RO60: variants seen among roughly 807,000 people sequenced by gnomAD.
RO60 encodes Ro60, Y RNA binding protein.
A neutral mutation model predicts 55.3 loss-of-function variants in RO60; 20 were observed. The observed-to-expected ratio is 0.36, with a 90% CI of 0.25 to 0.53. RO60 has a LOEUF of 0.53. RO60 is among the 20% of genes least tolerant of loss of function. The pLI is 0.92. For missense variants in RO60, 558 were observed against 646.6 expected (o/e 0.86, Z 1.49); for synonymous variants, 213 against 213.6 (o/e 1.00, Z 0.02).
At chr1:193,066,547 C>T (rs1558235132) in intron 1 of RO60, among the ~76,000 whole-genome samples, 1 of 152,192 alleles carries the variant, frequency 6.6e-6, no homozygotes, top group Admixed American at 6.5e-5. Flanking sequence ...CAACCATTCA[C>T]TCCTTGAAGT....
rs145943712 is a variant in RO60, at chr1:193,088,162, C to CTTTTTTTTTTTTT, written c.*3450_*3462dup. 2.3e-5 allele frequency: 1 copy of CTTTTTTTTTTTTT among 44,394 alleles called. No individual in the cohort carries two copies. The highest frequency in any genetic ancestry group is 1.1e-4 in the African/African-American group (1 of 8,736). The allele number at this position is 44,394 out of a possible 1,614,324, so 2.8% of individuals were successfully genotyped here. On this transcript the variant is annotated 3_prime_UTR_variant, in exon 9 of 9. Transcript: ENST00000400968. Reference sequence around the variant, plus strand: ...GGTGTGCACTGCACTACCACGCCTGCTTTTTTTTTTTTTTTTTTTTTTTTT... The same window carrying CTTTTTTTTTTTTT: ...GGTGTGCACTGCACTACCACGCCTGCTTTTTTTTTTTTTTTTTTTTTTTTTTTTTTTTTTTTTT...
At chr1:193,080,709 T>C (rs1674247446) in intron 5 of RO60, among the ~76,000 whole-genome samples, 1 of 152,172 alleles carries the variant, frequency 6.6e-6, no homozygotes. Context: ...TGATACATGC[T>C]ACACCATGGA....
Position 193,085,725 on chromosome 1 carries a change from G to C in RO60, c.*994G>C. ...AGTTAATATTTTTAAAAGTATACAT[G>C]TCAATGGCCTCTTTGTCCATTATTC... On this transcript the variant is annotated 3_prime_UTR_variant, in exon 9 of 9. Coordinates refer to ENST00000400968, the MANE Select transcript of RO60 (RefSeq NM_001173524.2). 1.0e-6 allele frequency: 1 copy of C among 983,342 alleles called. No homozygotes were observed. The highest frequency in any genetic ancestry group is 1.2e-6 in the Non-Finnish European group (1 of 828,420). 60.9% of individuals were successfully genotyped at this position (983,342 alleles called of 1,614,324 possible).
At chr1:193,073,396 T>C (rs536622634) in intron 2 of RO60, among the ~76,000 whole-genome samples, 2 of 152,292 alleles carry the variant, frequency 1.3e-5, no homozygotes, top group African/African-American at 4.8e-5. Context: ...TGGGTAAAAA[T>C]GAATTCTTTG....
chr1:193,084,458 A>G, intron 8 of RO60, 121 bp from the exon 9 acceptor site: 1 of 1,236,860 alleles, frequency 8.1e-7, no homozygotes, highest in Non-Finnish European at 1.1e-6. Context: ...GACCCCCGCA[A>G]AAAAATGACT....
intron 5 of RO60, among the ~76,000 whole-genome samples, chr1:193,079,961 TAAA>T (rs754439147): frequency 0.016 from 1,825 of 115,564 alleles, 16 homozygotes; most frequent in South Asian, 0.04. Flanking sequence ...ACCCCGTCTC[TAAA>T]AAAAAAAAAA....
intron 1 of RO60, among the ~76,000 whole-genome samples, chr1:193,061,740 T>G (rs1013338506): frequency 3.9e-5 from 6 of 152,186 alleles, no homozygotes; most frequent in African/African-American, 1.4e-4. Context: ...ATCCCAGCAC[T>G]TTGGGAGGCC....
chr1:193,072,116 G>A (rs1673560221), intron 2 of RO60, among the ~76,000 whole-genome samples: 1 of 152,066 alleles, frequency 6.6e-6, no homozygotes, highest in Non-Finnish European at 1.5e-5. Context: ...CAATTCTCCT[G>A]CCTCAGCCTC....
At chr1:193,074,470 C>G (rs1341407038) in intron 2 of RO60, among the ~76,000 whole-genome samples, 4 of 152,218 alleles carry the variant, frequency 2.6e-5, no homozygotes, top group Admixed American at 6.5e-5. Flanking sequence ...TTTTGAATTG[C>G]ATTTCTCTGA....
chr1:193,082,137 T>C (rs1325356030), intron 6 of RO60, 49 bp from the exon 7 acceptor site: 2 of 1,085,514 alleles, frequency 1.8e-6, no homozygotes, highest in African/African-American at 3.1e-5. Flanking sequence ...TTCAAAATAT[T>C]GTATTTCCCC....
At chr1:193,063,575 A>AT (rs1194181197) in intron 1 of RO60, among the ~76,000 whole-genome samples, 2 of 152,038 alleles carry the variant, frequency 1.3e-5, no homozygotes, top group Non-Finnish European at 2.9e-5. Context: ...AGTCCAGTTT[A>AT]TTTTTTTATT....
At chr1:193,070,714 A>T (rs1287234585) in intron 2 of RO60, 15 of 279,752 alleles carry the variant, frequency 5.4e-5, no homozygotes. Flanking sequence ...AGCACCTAAC[A>T]TGTAGTAGAA....
At chr1:193,081,771 CAA>C (rs1464781830) in intron 6 of RO60, among the ~76,000 whole-genome samples, 1 of 151,740 alleles carries the variant, frequency 6.6e-6, no homozygotes, top group Non-Finnish European at 1.5e-5. Context: ...GAAAAAAAGA[CAA>C]ATTTTTTAAA....
chr1:193,091,124 T>C lies in RO60; in HGVS notation c.*6393T>C, dbSNP rs1674840305. On this transcript the variant is annotated 3_prime_UTR_variant, in exon 9 of 9. Coordinates refer to ENST00000400968, the MANE Select transcript of RO60 (RefSeq NM_001173524.2). ...ACCAAGTTGCATATTTAACATCGAATGAAAATGTAGTTGTACAGTTCCAAA... is the reference window on the plus strand; with the variant it reads ...ACCAAGTTGCATATTTAACATCGAACGAAAATGTAGTTGTACAGTTCCAAA... The C allele has an allele frequency of 6.6e-6, 1 of 152,356 alleles. No individual in the cohort carries two copies. Among genetic ancestry groups the C allele is most frequent in the Non-Finnish European group, 1.5e-5 (1 of 68,104 alleles). 9.4% of individuals were successfully genotyped at this position (152,356 alleles called of 1,614,324 possible).
chr1:193,060,074 A>G, intron 1 of RO60: 1 of 1,302,636 alleles, frequency 7.7e-7, no homozygotes. Flanking sequence ...CGACGTCGAG[A>G]GGGCCTGCTT....
Position 193,076,565 on chromosome 1 carries a change from C to T in RO60, c.866C>T (p.Thr289Ile). 2 of 1,612,404 alleles carry T rather than the reference C, an allele frequency of 1.2e-6. No homozygotes were observed. Among genetic ancestry groups the T allele is most frequent in the Non-Finnish European group, 1.7e-6 (2 of 1,179,264 alleles). ...TTACTAAGGAATCTAGGAAAGATGA[C>T]TGCTAATTCAGTACTTGAACCAGGA... Reference protein sequence around the residue: ...TALLRNLGKMTANSVLEPGNS... With the variant: ...TALLRNLGKMIANSVLEPGNS... The change falls in exon 4 of 9, where the codon ACT becomes ATT. Residue 289 changes from threonine (T) to isoleucine (I), a missense_variant. By Grantham distance (89) the Thr-to-Ile change is moderately conservative. Transcript: ENST00000400968.
Position 193,081,429 on chromosome 1 carries a change from A to C in RO60, c.1152A>C (p.Arg384Ser). The change falls in exon 6 of 9, where the codon AGA (arginine) becomes AGC (serine). Residue 384 changes from arginine (R) to serine (S), a missense_variant. By Grantham distance (110) the Arg-to-Ser change is moderately radical. Coordinates refer to ENST00000400968, the MANE Select transcript of RO60 (RefSeq NM_001173524.2). The part of the protein sequence containing the change: ...AVDVSASMNQ[R>S]VLGSILNAST... ...ATGTCAGTGCTTCTATGAACCAAAG[A>C]GTTTTGGGTAGTATACTCAACGCTA... The C allele has an allele frequency of 6.2e-7, 1 of 1,610,966 alleles. No individual in the cohort carries two copies. The highest frequency in any genetic ancestry group is 8.5e-7 in the Non-Finnish European group (1 of 1,178,058).
chr1:193,080,930 AATAG>A (rs1468311022), intron 5 of RO60, among the ~76,000 whole-genome samples: 2 of 152,204 alleles, frequency 1.3e-5, no homozygotes, highest in Non-Finnish European at 2.9e-5. Context: ...AAGTTCTTGA[AATAG>A]ATAGAGGTGA....
chr1:193,062,341 T>C (rs981213804), intron 1 of RO60, among the ~76,000 whole-genome samples: 2 of 152,216 alleles, frequency 1.3e-5, no homozygotes, highest in Non-Finnish European at 2.9e-5. Context: ...GTATCTCAAA[T>C]TGCTTTTAAA....
Sources: gnomAD v4.1 joint callset for allele counts (sites outside exome capture counted in the v4.1 genomes callset) on GRCh38, gnomAD v4.1.1 for gene constraint, MANE v1.5 for transcripts, NCBI Gene and HGNC (gene_info 2026-07-23, HGNC 2026-07-21) for gene names.